The following FHIT variants were observed in gnomAD, a reference collection of about 807,000 sequenced individuals.
FHIT encodes the protein fragile histidine triad diadenosine triphosphatase, also known as bis(5'-adenosyl)-triphosphatase.
A neutral mutation model predicts 17.9 loss-of-function variants in FHIT; 19 were observed. The observed-to-expected ratio is 1.06, with a 90% CI of 0.74 to 1.56. The LOEUF is 1.56. Ranked by LOEUF, FHIT falls within the 40% of genes most tolerant of loss-of-function variation. FHIT has a pLI of 0.00. For missense variants in FHIT, 248 were observed against 189.2 expected (o/e 1.31, Z -1.82); for synonymous variants, 81 against 69.7 (o/e 1.16, Z -0.81).
chr3:60,296,791 C>G (rs1361349844), intron 5 of FHIT, among the ~76,000 whole-genome samples: 1 of 151,914 alleles, frequency 6.6e-6, no homozygotes, highest in African/African-American at 2.4e-5. Flanking sequence ...AAAAGTGTTA[C>G]ATTAATGTTC....
intron 8 of FHIT, chr3:59,886,274 GAGCATCCC>G (rs1703619827): frequency 6.6e-6 from 1 of 152,192 alleles, no homozygotes; most frequent in Non-Finnish European, 1.5e-5. Flanking sequence ...CATTTCACCT[GAGCATCCC>G]AGCTCCTACA....
intron 5 of FHIT, among the ~76,000 whole-genome samples, chr3:60,108,459 T>C (rs916211980): frequency 6.6e-6 from 1 of 152,162 alleles, no homozygotes; most frequent in Non-Finnish European, 1.5e-5. Flanking sequence ...CATGCCTATC[T>C]AGTACCCACC....
intron 4 of FHIT, among the ~76,000 whole-genome samples, chr3:60,603,548 T>C (rs919884241): frequency 6.6e-6 from 1 of 152,066 alleles, no homozygotes; most frequent in Non-Finnish European, 1.5e-5. Flanking sequence ...TTCTTCTGTA[T>C]AATTTTGTAT....
At chr3:60,324,763 G>T (rs1417901978) in intron 5 of FHIT, among the ~76,000 whole-genome samples, 4 of 151,952 alleles carry the variant, frequency 2.6e-5, no homozygotes, top group Non-Finnish European at 5.9e-5. Context: ...TTAGCTCTTT[G>T]CTTCCTTTAA....
chr3:60,173,884 AATATATAT>A lies in FHIT; in HGVS notation c.104-159740_104-159733del, dbSNP rs776742490. On this transcript the variant is annotated intron_variant, in intron 5 of 9. Transcript: ENST00000492590. ...GGTGCTAAACTATCTCCATGTTTCT[AATATATAT>A]ATATATATATATATATATATATATG... 6.8e-3 allele frequency among the ~76,000 whole-genome samples: 209 copies of A among 30,516 alleles called. 20 individuals are homozygous for A. The East Asian group carries it at 0.094, about 14-fold the overall frequency. The allele number at this position is 30,516 out of a possible 152,430, so 20.0% of individuals were successfully genotyped here.
intron 5 of FHIT, among the ~76,000 whole-genome samples, chr3:60,318,482 A>G (rs996681701): frequency 2.6e-5 from 4 of 152,208 alleles, no homozygotes; most frequent in African/African-American, 4.8e-5. Context: ...AAAACAGAAC[A>G]AAACAAAAAC....
intron 2 of FHIT, among the ~76,000 whole-genome samples, chr3:61,124,924 A>T (rs1467925094): frequency 6.6e-6 from 1 of 152,020 alleles, no homozygotes; most frequent in Non-Finnish European, 1.5e-5. Context: ...TTTTTATTTT[A>T]TAGCCTCCAT....
At chr3:60,277,366 T>C (rs1242776036) in intron 5 of FHIT, among the ~76,000 whole-genome samples, 1 of 152,138 alleles carries the variant, frequency 6.6e-6, no homozygotes, top group East Asian at 1.9e-4. Context: ...AAGAGCAGCC[T>C]GTAAAATCAA....
At chr3:60,829,679 T>G (rs1702250999) in intron 3 of FHIT, among the ~76,000 whole-genome samples, 1 of 152,298 alleles carries the variant, frequency 6.6e-6, no homozygotes, top group East Asian at 1.9e-4. Flanking sequence ...AAGCATTTAA[T>G]AACTTCTGAT....
chr3:61,024,242 C>A (rs950618791), intron 3 of FHIT, among the ~76,000 whole-genome samples: 4 of 152,092 alleles, frequency 2.6e-5, no homozygotes, highest in Non-Finnish European at 4.4e-5. Flanking sequence ...AGGGAGAAAG[C>A]AAAGCTTCAA....
In FHIT at chr3:59,970,820, G is replaced by A. The variant is rs545061193; in HGVS notation, c.279+40551C>T. ...ATTAATGCTTGGGATGCAAAAACCT[G>A]CACGTCCCACTCCAGCCATTTTTTT... On this transcript the variant is annotated intron_variant, in intron 7 of 9. Transcript: ENST00000492590. 7.0e-5 allele frequency among the ~76,000 whole-genome samples: 10 copies of A among 142,530 alleles called. No individual in the cohort carries two copies. The East Asian group carries it at 1.4e-3, about 20-fold the overall frequency. 93.5% of individuals were successfully genotyped at this position (142,530 alleles called of 152,430 possible).
rs776762484 is a variant in FHIT, at chr3:59,977,617, G to A, written c.279+33754C>T. ...TGATTTAACTTTACATTTTGATAGAGTCAGCCGCGTTGCAGTCATTGTTTC... is the reference window on the plus strand; with the variant it reads ...TGATTTAACTTTACATTTTGATAGAATCAGCCGCGTTGCAGTCATTGTTTC... On this transcript the variant is annotated intron_variant, in intron 7 of 9. Coordinates refer to ENST00000492590, the MANE Select transcript of FHIT (RefSeq NM_002012.4). Among the ~76,000 whole-genome samples the A allele has an allele frequency of 2.0e-5, 3 of 152,170 alleles. No homozygotes were observed. The South Asian group carries it at 6.2e-4, about 32-fold the overall frequency.
intron 5 of FHIT, among the ~76,000 whole-genome samples, chr3:60,422,231 G>A (rs1311109794): frequency 2.0e-5 from 3 of 152,062 alleles, no homozygotes; most frequent in African/African-American, 7.2e-5. Context: ...GAGTCATATG[G>A]AAATATTCCA....
chr3:60,732,066 G>A (rs973487184), intron 4 of FHIT: 32 of 558,292 alleles, frequency 5.7e-5, no homozygotes, highest in South Asian at 2.3e-4. Context: ...AGGATACTGC[G>A]AGCAAATGGG....
chr3:60,818,830 A>G (rs1256610944), intron 4 of FHIT, among the ~76,000 whole-genome samples: 1 of 152,132 alleles, frequency 6.6e-6, no homozygotes, highest in East Asian at 1.9e-4. Flanking sequence ...CAAACCAAAA[A>G]CACTGTGAGT....
intron 5 of FHIT, among the ~76,000 whole-genome samples, chr3:60,239,814 G>T (rs944488710): frequency 6.6e-6 from 1 of 152,082 alleles, no homozygotes; most frequent in Admixed American, 6.5e-5. Context: ...TTAGATAAAT[G>T]GATTTCAGTT....
At chr3:60,070,800 C>A (rs1373894549) in intron 5 of FHIT, among the ~76,000 whole-genome samples, 2 of 152,154 alleles carry the variant, frequency 1.3e-5, no homozygotes, top group Admixed American at 6.5e-5. Context: ...ATTCTGTACG[C>A]CTTTTAGGTA....
intron 3 of FHIT, among the ~76,000 whole-genome samples, chr3:60,955,201 T>C (rs1264391273): frequency 1.3e-5 from 2 of 152,134 alleles, no homozygotes; most frequent in South Asian, 4.1e-4. Context: ...TGCTTATATG[T>C]TCACATAGGA....
intron 3 of FHIT, among the ~76,000 whole-genome samples, chr3:60,981,151 T>A (rs1397788488): frequency 6.6e-6 from 1 of 152,204 alleles, no homozygotes; most frequent in African/African-American, 2.4e-5. Flanking sequence ...CATGCTGGGA[T>A]GTTCCATGCA....
Sources: allele counts gnomAD v4.1 joint callset (sites outside exome capture counted in the v4.1 genomes callset), GRCh38; gene constraint gnomAD v4.1.1; transcripts MANE v1.5; gene names NCBI Gene and HGNC (gene_info 2026-07-23, HGNC 2026-07-21).